The following CTNNBL1 variants were observed in gnomAD, a reference collection of about 807,000 sequenced individuals.
CTNNBL1 encodes catenin beta like 1, also known as beta-catenin-like protein 1.
A neutral mutation model predicts 72.7 loss-of-function variants in CTNNBL1; 31 were observed. The observed-to-expected ratio is 0.43, with a 90% confidence interval of 0.32 to 0.58. CTNNBL1 has a LOEUF of 0.58. Among genes scored for constraint, CTNNBL1 ranks in the 20% least tolerant of loss-of-function variants. CTNNBL1 has a pLI of 0.08. For synonymous variants in CTNNBL1, 240 were observed against 267.3 expected (o/e 0.90, Z 1.00); for missense variants, 534 against 725.1 (o/e 0.74, Z 3.03).
chr20:37,717,613 T>C (rs2072997863), intron 1 of CTNNBL1, among the ~76,000 whole-genome samples: 3 of 151,474 alleles, frequency 2.0e-5, no homozygotes, highest in Non-Finnish European at 4.4e-5. Flanking sequence ...CTTTTTTCTT[T>C]TCTTTTTTTT....
rs746948590 is a variant in CTNNBL1, at chr20:37,860,364, T to C, written c.1603+20T>C. 6.4e-7 allele frequency: 1 copy of C among 1,565,936 alleles called. No individual in the cohort carries two copies. The highest frequency in any genetic ancestry group is 1.1e-5 in the South Asian group (1 of 90,098). ...TCAAGGGTGAGTTGGATGCTACTCA[T>C]GTCTGGGGCTCCAGAGGATTAGATG... On this transcript the variant is annotated intron_variant, in intron 15 of 15. Coordinates refer to ENST00000361383, the MANE Select transcript of CTNNBL1 (RefSeq NM_030877.5).
At chr20:37,745,364 T>C (rs2073253608) in intron 3 of CTNNBL1, among the ~76,000 whole-genome samples, 1 of 152,192 alleles carries the variant, frequency 6.6e-6, no homozygotes, top group South Asian at 2.1e-4. Context: ...TCTGTGGATA[T>C]AAGAGACAAA....
intron 13 of CTNNBL1, among the ~76,000 whole-genome samples, chr20:37,847,116 T>C (rs979958986): frequency 6.6e-6 from 1 of 152,176 alleles, no homozygotes; most frequent in Admixed American, 6.5e-5. Context: ...CCCTGATTTT[T>C]GTTTTCTCTG....
chr20:37,740,959 T>C (rs929568941), intron 3 of CTNNBL1, among the ~76,000 whole-genome samples: 26 of 152,224 alleles, frequency 1.7e-4, no homozygotes, highest in African/African-American at 4.8e-4. Context: ...CCAGCAGTGA[T>C]TGCATTTAGG....
chr20:37,708,633 T>C (rs2072911013), intron 1 of CTNNBL1, among the ~76,000 whole-genome samples: 1 of 152,268 alleles, frequency 6.6e-6, no homozygotes, highest in African/African-American at 2.4e-5. Flanking sequence ...GCCTAAACTT[T>C]AGAATTCCAG....
At chr20:37,789,899 A>C (rs2073708624) in intron 10 of CTNNBL1, among the ~76,000 whole-genome samples, 1 of 152,184 alleles carries the variant, frequency 6.6e-6, no homozygotes, top group African/African-American at 2.4e-5. Flanking sequence ...AAGAGAAGAG[A>C]CCACTGTGAT....
chr20:37,803,608 G>A (rs1372086044), intron 11 of CTNNBL1, among the ~76,000 whole-genome samples: 8 of 152,212 alleles, frequency 5.3e-5, no homozygotes, highest in Admixed American at 5.2e-4. Flanking sequence ...CTAGTGGCCT[G>A]CTGCAGCCCT....
At chr20:37,722,998 G>A (rs1357997386) in intron 1 of CTNNBL1, among the ~76,000 whole-genome samples, 4 of 152,198 alleles carry the variant, frequency 2.6e-5, no homozygotes, top group Non-Finnish European at 4.4e-5. Context: ...ATTGGAGATA[G>A]TTTGCCTTCC....
Position 37,732,871 on chromosome 20 carries a change from T to C in CTNNBL1, c.31-8T>C. ...CAGCTCTAAAATCTTATGTTTCTTT[T>C]CTCTCAGCCCAATAGGGGCACAAAA... On this transcript the variant is annotated splice_region_variant and splice_polypyrimidine_tract_variant and intron_variant, in intron 1 of 15. Coordinates refer to ENST00000361383, the MANE Select transcript of CTNNBL1 (RefSeq NM_030877.5). The C allele has an allele frequency of 1.2e-6, 2 of 1,611,222 alleles. No individual in the cohort carries two copies. The highest frequency in any genetic ancestry group is 2.2e-5 in the South Asian group (2 of 90,896).
chr20:37,744,933 C>G (rs996633578), intron 3 of CTNNBL1, among the ~76,000 whole-genome samples: 3 of 151,998 alleles, frequency 2.0e-5, no homozygotes, highest in African/African-American at 4.8e-5. Context: ...AGATCTTTGC[C>G]TTATATCATA....
intron 1 of CTNNBL1, among the ~76,000 whole-genome samples, chr20:37,710,786 A>C (rs2072930645): frequency 1.3e-5 from 2 of 152,134 alleles, no homozygotes; most frequent in Non-Finnish European, 2.9e-5. Flanking sequence ...ATATCCATAT[A>C]CACACACCCA....
intron 4 of CTNNBL1, among the ~76,000 whole-genome samples, chr20:37,754,806 G>C (rs888256492): frequency 6.6e-6 from 1 of 151,586 alleles, no homozygotes; most frequent in African/African-American, 2.4e-5. Context: ...GTGACCTTTA[G>C]ATAACTTTTT....
chr20:37,707,958 G>C lies in CTNNBL1; in HGVS notation c.30+13806G>C, dbSNP rs1001619484. ...GAGAGAGAGAGAGAGAAAGAGGAAAGGCTGGTTGAGGCACTCAGAACACAC... is the reference window on the plus strand; with the variant it reads ...GAGAGAGAGAGAGAGAAAGAGGAAACGCTGGTTGAGGCACTCAGAACACAC... On this transcript the variant is annotated intron_variant, in intron 1 of 15. Coordinates refer to ENST00000361383, the MANE Select transcript of CTNNBL1 (RefSeq NM_030877.5). Among the ~76,000 whole-genome samples, 11 of 152,168 alleles carry C rather than the reference G, an allele frequency of 7.2e-5. No individual in the cohort carries two copies. The East Asian group carries it at 1.5e-3, about 21-fold the overall frequency.
At position 37,773,143 on chromosome 20, in the gene CTNNBL1, G is replaced by A. The variant is rs187260962; in HGVS notation, c.751-4202G>A. Among the ~76,000 whole-genome samples, 65 of 152,276 alleles carry A rather than the reference G, an allele frequency of 4.3e-4. No individual in the cohort carries two copies. In the East Asian group the frequency reaches 8.5e-3, roughly 20 times the overall value. ...TCAATGCTTCAGAAACAGTTGCAGCGTTCAGTTAAGTTATATTACATGTAC... is the reference window on the plus strand; with the variant it reads ...TCAATGCTTCAGAAACAGTTGCAGCATTCAGTTAAGTTATATTACATGTAC... On this transcript the variant is annotated intron_variant, in intron 7 of 15. Transcript: ENST00000361383.
rs150611573 is a variant in CTNNBL1 at position 37,734,302 on chromosome 20, G to A, written c.219+1235G>A. 1.4e-3 allele frequency among the ~76,000 whole-genome samples: 216 copies of A among 152,308 alleles called. 1 individual carries two copies. Among genetic ancestry groups the A allele is most frequent in the Middle Eastern group, 6.8e-3 (2 of 294 alleles). The stretch of plus-strand genomic sequence containing the variant: ...AAAGATGATGGCACTTTAGAAATAC[G>A]TGGTGGGAGACAGTCCTGAATTTTT... On this transcript the variant is annotated intron_variant, in intron 2 of 15. Transcript: ENST00000361383.
intron 11 of CTNNBL1, among the ~76,000 whole-genome samples, chr20:37,822,858 A>G (rs1386207273): frequency 1.3e-5 from 2 of 152,222 alleles, no homozygotes; most frequent in Non-Finnish European, 2.9e-5. Flanking sequence ...TGAATCCAGC[A>G]CACAGTGCTA....
chr20:37,809,237 A>G (rs958961215), intron 11 of CTNNBL1, among the ~76,000 whole-genome samples: 14 of 152,224 alleles, frequency 9.2e-5, no homozygotes, highest in African/African-American at 3.4e-4. Context: ...ACAAAGACAT[A>G]CTAGACAAGA....
At chr20:37,757,266 T>C (rs1384090653) in intron 4 of CTNNBL1, among the ~76,000 whole-genome samples, 2 of 152,238 alleles carry the variant, frequency 1.3e-5, no homozygotes, top group Non-Finnish European at 2.9e-5. Flanking sequence ...TATTTCTCAC[T>C]GGAAGTGACT....
intron 4 of CTNNBL1, among the ~76,000 whole-genome samples, chr20:37,749,525 T>G (rs546572781): frequency 6.6e-6 from 1 of 152,158 alleles, no homozygotes; most frequent in African/African-American, 2.4e-5. Flanking sequence ...CCCTCCTGTT[T>G]TCTGAGAGCT....
Sources: allele counts gnomAD v4.1 joint callset (sites outside exome capture counted in the v4.1 genomes callset), GRCh38; gene constraint gnomAD v4.1.1; transcripts MANE v1.5; gene names NCBI Gene and HGNC (gene_info 2026-07-23, HGNC 2026-07-21).